Variants in SLC18B1 observed in about 807,000 individuals in gnomAD.
SLC18B1 encodes the protein MFS-type transporter SLC18B1.
In SLC18B1, 62 loss-of-function variants were observed where a neutral mutation model predicts 53.9. The observed-to-expected ratio is 1.15, with a 90% CI of 0.94 to 1.42. SLC18B1 has a LOEUF of 1.42. SLC18B1 is among the 40% of genes most tolerant of loss of function. SLC18B1 has a pLI of 0.00. For missense variants in SLC18B1, 598 were observed against 547.3 expected (o/e 1.09, Z -0.93); for synonymous variants, 217 against 200.9 (o/e 1.08, Z -0.68).
intron 2 of SLC18B1, among the ~76,000 whole-genome samples, chr6:132,792,917 G>C (rs1391638569): frequency 1.3e-5 from 2 of 152,136 alleles, no homozygotes; most frequent in African/African-American, 4.8e-5. Context: ...TCAGGAGTTC[G>C]AGACCAGCCT....
At chr6:132,771,607 C>T (rs1008448716) in intron 11 of SLC18B1, among the ~76,000 whole-genome samples, 2 of 151,926 alleles carry the variant, frequency 1.3e-5, no homozygotes, top group Non-Finnish European at 2.9e-5. Context: ...TATATGAAAC[C>T]ATTTTGACTA....
rs763314074 is a variant in SLC18B1 at position 132,776,369 on chromosome 6, T to C, written c.856A>G (p.Ile286Val). 6.2e-7 allele frequency: 1 copy of C among 1,613,440 alleles called. No homozygotes were observed. Among genetic ancestry groups the C allele is most frequent in the Non-Finnish European group, 8.5e-7 (1 of 1,179,728 alleles). ...VFLGMALSYA[I>V]SSPLFGLLSD... ...AGGAGACCAAATAGTGGTGAAGAGA[T>C]GGCATAGGACAGTGCCATACCCAGG... The change falls in exon 8 of 14, where the codon ATC becomes GTC. Residue 286 changes from isoleucine to valine, a missense_variant. Ile to Val is a conservative substitution (Grantham distance 29, BLOSUM62 3). Transcript: ENST00000275227.
chr6:132,783,925 G>A lies in SLC18B1; in HGVS notation c.658+8C>T. On this transcript the variant is annotated splice_region_variant and intron_variant, in intron 6 of 13. Coordinates refer to ENST00000275227, the MANE Select transcript of SLC18B1 (RefSeq NM_052831.3). ...GGTTCTTAAAATGAGTAATAAGTGT[G>A]GACTTACCGTAATTGGGTAAAATAT... is the stretch of plus-strand genomic sequence containing the variant. The A allele has an allele frequency of 6.3e-7, 1 of 1,577,810 alleles. No individual in the cohort carries two copies. Among genetic ancestry groups the A allele is most frequent in the Non-Finnish European group, 8.6e-7 (1 of 1,165,156 alleles).
At position 132,772,982 on chromosome 6, in the gene SLC18B1, A is replaced by T. The variant is rs1781013221; in HGVS notation, c.1085+11T>A. Reference sequence around the variant, plus strand: ...CACAATACAGCTCTTCAAGCAATGGAAGTAACTTACTGTGCACAACTGAGA... The same window carrying T: ...CACAATACAGCTCTTCAAGCAATGGTAGTAACTTACTGTGCACAACTGAGA... On this transcript the variant is annotated intron_variant, in intron 10 of 13. Transcript: ENST00000275227. The T allele has an allele frequency of 6.3e-7, 1 of 1,596,134 alleles. No individual in the cohort carries two copies. The highest frequency in any genetic ancestry group is 1.1e-5 in the South Asian group (1 of 90,604).
chr6:132,778,146 G>T (rs940572406), intron 7 of SLC18B1, among the ~76,000 whole-genome samples: 2 of 152,156 alleles, frequency 1.3e-5, no homozygotes, highest in Non-Finnish European at 2.9e-5. Flanking sequence ...TTGTCCAGGG[G>T]AGGAATGTCA....
Position 132,790,247 on chromosome 6 carries a change from G to A in SLC18B1, c.209C>T (p.Thr70Ile). The change falls in exon 3 of 14, where the codon ACA (threonine) becomes ATA (isoleucine). Residue 70 changes from threonine (T) to isoleucine (I), a missense_variant. Thr to Ile is a moderately conservative substitution (Grantham distance 89). Transcript: ENST00000275227. ...KEAEKKGASN[T>I]IIGMIFGCFA... ...ACATCCAAAGATCATACCGATAATT[G>A]TATTGCTGGCTCCCTTCTTTTCAGC... 6.4e-7 allele frequency: 1 copy of A among 1,568,200 alleles called. No individual in the cohort carries two copies. Among genetic ancestry groups the A allele is most frequent in the Non-Finnish European group, 8.7e-7 (1 of 1,154,642 alleles).
chr6:132,770,474 G>A lies in SLC18B1; in HGVS notation c.1305-138C>T, dbSNP rs1408055150. On this transcript the variant is annotated intron_variant, in intron 13 of 13. Transcript: ENST00000275227. ...CTACTGCCCGGGCATGGTGGCTCAC[G>A]CCTGTAATCCCAGCATTTTGGGAGG... 8 of 701,292 alleles carry A rather than the reference G, an allele frequency of 1.1e-5. No individual in the cohort carries two copies. The Middle Eastern group carries it at 1.1e-3, about 98-fold the overall frequency. 43.4% of individuals were successfully genotyped at this position (701,292 alleles called of 1,614,324 possible).
intron 5 of SLC18B1, among the ~76,000 whole-genome samples, chr6:132,785,973 A>C (rs1781360880): frequency 6.6e-6 from 1 of 151,916 alleles, no homozygotes; most frequent in Non-Finnish European, 1.5e-5. Flanking sequence ...AGTTAAAGTG[A>C]GTTGTGGAAC....
intron 1 of SLC18B1, among the ~76,000 whole-genome samples, chr6:132,797,748 C>T (rs1781735335): frequency 6.6e-6 from 1 of 152,212 alleles, no homozygotes; most frequent in South Asian, 2.1e-4. Context: ...CGGTATGCTT[C>T]TGGATAGACA....
At position 132,783,208 on chromosome 6, in the gene SLC18B1, G is replaced by A. The variant is rs138356795; in HGVS notation, c.658+725C>T. ...TTTTTTGAGGGGGTGGAAGAGTCTC[G>A]CTCTATCACCCAGGCTGGAGTGCAA... On this transcript the variant is annotated intron_variant, in intron 6 of 13. Coordinates refer to ENST00000275227, the MANE Select transcript of SLC18B1 (RefSeq NM_052831.3). Among the ~76,000 whole-genome samples the A allele has an allele frequency of 2.3e-3, 345 of 149,808 alleles. 3 individuals carry two copies. The highest frequency in any genetic ancestry group is 7.9e-3 in the African/African-American group (322 of 40,690).
intron 7 of SLC18B1, among the ~76,000 whole-genome samples, chr6:132,776,909 A>G (rs1032979644): frequency 6.6e-6 from 1 of 152,190 alleles, no homozygotes; most frequent in African/African-American, 2.4e-5. Flanking sequence ...CACCACCAAT[A>G]GCCCTGAGAG....
intron 7 of SLC18B1, among the ~76,000 whole-genome samples, chr6:132,777,758 G>C (rs1781134568): frequency 2.0e-5 from 3 of 152,112 alleles, no homozygotes; most frequent in Admixed American, 1.3e-4. Context: ...AAACAACTTG[G>C]ATTTCCCAGA....
rs1456810729 is a variant in SLC18B1 at position 132,783,938 on chromosome 6, T to C, written c.653A>G (p.Asn218Ser). 2 of 1,587,660 alleles carry C rather than the reference T, an allele frequency of 1.3e-6. No homozygotes were observed. The highest frequency in any genetic ancestry group is 2.3e-5 in the East Asian group (1 of 43,726). The change falls in exon 6 of 14, where the codon AAT (asparagine) becomes AGT (serine). Residue 218 changes from asparagine to serine, a missense_variant. Physicochemically the swap from Asn to Ser is conservative, Grantham distance 46 (BLOSUM62 1). Coordinates refer to ENST00000275227, the MANE Select transcript of SLC18B1 (RefSeq NM_052831.3). The part of the protein sequence containing the change: ...MVPLNMYILP[N>S]YESDPGEHSF... Reference sequence around the variant, plus strand: ...AGTAATAAGTGTGGACTTACCGTAATTGGGTAAAATATACATATTGAGTGG... The same window carrying C: ...AGTAATAAGTGTGGACTTACCGTAACTGGGTAAAATATACATATTGAGTGG...
rs563962842 is a variant in SLC18B1 at position 132,796,899 on chromosome 6, C to T, written c.183+83G>A. 5.7e-6 allele frequency: 8 copies of T among 1,411,946 alleles called. No homozygotes were observed. In the East Asian group the frequency reaches 2.0e-4, roughly 35 times the overall value. 87.5% of individuals were successfully genotyped at this position (1,411,946 alleles called of 1,614,324 possible). On this transcript the variant is annotated intron_variant, in intron 2 of 13. Transcript: ENST00000275227. The stretch of plus-strand genomic sequence containing the variant: ...TATGCAGATTTTTACATTTTATATA[C>T]TATAAAATAAAATAATTCAAAAGGC...
At chr6:132,781,291 G>A (rs978253915) in intron 6 of SLC18B1, among the ~76,000 whole-genome samples, 23 of 151,972 alleles carry the variant, frequency 1.5e-4, no homozygotes, top group Admixed American at 3.3e-4. Flanking sequence ...TGAAAACTTG[G>A]GGTATTTGCT....
chr6:132,788,925 C>CAAA lies in SLC18B1; in HGVS notation c.353+836_353+838dup, dbSNP rs11439950. Among the ~76,000 whole-genome samples, 286 of 104,876 alleles carry CAAA rather than the reference C, an allele frequency of 2.7e-3. 3 individuals carry two copies. Among genetic ancestry groups the CAAA allele is most frequent in the African/African-American group, 9.2e-3 (273 of 29,524 alleles). 68.8% of individuals were successfully genotyped at this position (104,876 alleles called of 152,430 possible). ...TCTCCCGTAGTCAGACTGAAACCTTCAAAAAAAAAAAAAAAAGGAATAAAG... is the reference window on the plus strand; with the variant it reads ...TCTCCCGTAGTCAGACTGAAACCTTCAAAAAAAAAAAAAAAAAAAGGAATAAAG... On this transcript the variant is annotated intron_variant, in intron 4 of 13. Transcript: ENST00000275227.
intron 4 of SLC18B1, among the ~76,000 whole-genome samples, chr6:132,788,951 A>T (rs1384528399): frequency 1.3e-5 from 2 of 151,442 alleles, no homozygotes; most frequent in East Asian, 3.9e-4. Context: ...AGGAATAAAG[A>T]AAGAAAATAA....
chr6:132,778,782 A>G (rs992480340), intron 7 of SLC18B1, among the ~76,000 whole-genome samples: 2 of 152,220 alleles, frequency 1.3e-5, no homozygotes, highest in Admixed American at 1.3e-4. Flanking sequence ...TTATTTTTTA[A>G]TGCTAAGGAT....
At position 132,779,404 on chromosome 6, in the gene SLC18B1, T is replaced by A. The variant is rs1434673286; in HGVS notation, c.659A>T (p.Glu220Val). 40 of 1,569,590 alleles carry A rather than the reference T, an allele frequency of 2.5e-5. No homozygotes were observed. The highest frequency in any genetic ancestry group is 3.3e-5 in the Non-Finnish European group (38 of 1,156,706). Residue 220 changes from glutamate (E) to valine (V), a missense_variant and splice_region_variant, in exon 7 of 14, where the codon GAG (glutamate) becomes GTG (valine). Glu to Val is a moderately radical substitution (Grantham distance 121). Coordinates refer to ENST00000275227, the MANE Select transcript of SLC18B1 (RefSeq NM_052831.3). Reference sequence around the variant, plus strand: ...GAATGAGTGTTCACCTGGATCAGACTCTTTAGGGAAAAAATGAAAAAAGAA... The same window carrying A: ...GAATGAGTGTTCACCTGGATCAGACACTTTAGGGAAAAAATGAAAAAAGAA... ...PLNMYILPNY[E>V]SDPGEHSFWK...
Sources: gnomAD v4.1 joint callset for allele counts (sites outside exome capture counted in the v4.1 genomes callset) on GRCh38, gnomAD v4.1.1 for gene constraint, MANE v1.5 for transcripts, NCBI Gene and HGNC (gene_info 2026-07-23, HGNC 2026-07-21) for gene names.